PDZRN4: variants seen among roughly 807,000 people sequenced by gnomAD.
PDZRN4 encodes PDZ domain-containing RING finger protein 4.
Under a neutral mutation model 99.0 loss-of-function variants are expected in PDZRN4, and 70 were observed. That is an observed-to-expected ratio of 0.71 (90% confidence interval 0.58 to 0.86). The LOEUF (loss-of-function observed/expected upper bound fraction) is 0.86. Ranked by LOEUF, PDZRN4 falls within the 40% of genes least tolerant of loss-of-function variation. The pLI, the probability that PDZRN4 is intolerant of heterozygous loss-of-function variation, is 0.00. For missense variants in PDZRN4, 1,474 were observed against 1,331.2 expected, an observed-to-expected ratio of 1.11 and a Z score of -1.67; for synonymous variants, 551 against 501.6, an observed-to-expected ratio of 1.10 and a Z score of -1.32.
chr12:41,235,349 A>T (rs1166688789), intron 3 of PDZRN4, among the ~76,000 whole-genome samples: 2 of 152,192 alleles, frequency 1.3e-5, no homozygotes, highest in Non-Finnish European at 2.9e-5. Context: ...AATGAAACAA[A>T]ACTAAAAACA....
In PDZRN4 at chr12:41,511,825, C is replaced by A. The variant is rs552109500; in HGVS notation, c.1203+1912C>A. ...CCATCATTGGAGCCTGTGGTGGACA[C>A]CATTAGGCTCATTCAGTGAAGAGAT... is the stretch of plus-strand genomic sequence containing the variant. On this transcript the variant is annotated intron_variant, in intron 5 of 9. Transcript: ENST00000402685. 2.0e-5 allele frequency among the ~76,000 whole-genome samples: 3 copies of A among 152,232 alleles called. No homozygotes were observed. The East Asian group carries it at 5.8e-4, about 30-fold the overall frequency.
chr12:41,504,960 C>T (rs1237429782), intron 3 of PDZRN4, among the ~76,000 whole-genome samples: 2 of 152,136 alleles, frequency 1.3e-5, no homozygotes, highest in Non-Finnish European at 1.5e-5. Flanking sequence ...TTTGAAGGCA[C>T]ATTAACTCTT....
intron 5 of PDZRN4, among the ~76,000 whole-genome samples, chr12:41,549,077 T>G (rs1458153): frequency 0.17 from 25,331 of 152,170 alleles, 2,323 homozygotes; most frequent in Non-Finnish European, 0.21. Context: ...ATTCTTTCAC[T>G]CTAGTGACAA....
At chr12:41,380,630 C>T (rs1247671931) in intron 3 of PDZRN4, among the ~76,000 whole-genome samples, 1 of 151,990 alleles carries the variant, frequency 6.6e-6, no homozygotes, top group Admixed American at 6.5e-5. Context: ...TTATTTCCCC[C>T]TTTTCATTTT....
chr12:41,288,032 C>T (rs552187963), intron 3 of PDZRN4, among the ~76,000 whole-genome samples: 1 of 152,160 alleles, frequency 6.6e-6, no homozygotes, highest in Admixed American at 6.5e-5. Context: ...ATACTTGCTC[C>T]GCCTGCTGCA....
intron 3 of PDZRN4, among the ~76,000 whole-genome samples, chr12:41,210,602 T>G (rs1950882083): frequency 6.6e-6 from 1 of 152,000 alleles, no homozygotes; most frequent in South Asian, 2.1e-4. Context: ...TACTTTAAAT[T>G]ATTTTACTTG....
chr12:41,273,499 A>G (rs1419940313), intron 3 of PDZRN4, among the ~76,000 whole-genome samples: 1 of 152,142 alleles, frequency 6.6e-6, no homozygotes, highest in East Asian at 1.9e-4. Flanking sequence ...AACTACAAGT[A>G]GCCTTAACTG....
chr12:41,296,200 A>G (rs1417092550), intron 3 of PDZRN4, among the ~76,000 whole-genome samples: 1 of 152,200 alleles, frequency 6.6e-6, no homozygotes, highest in Non-Finnish European at 1.5e-5. Context: ...AATTTTAAAC[A>G]AGTGGGATCA....
chr12:41,395,567 A>G (rs1050370287), intron 3 of PDZRN4, among the ~76,000 whole-genome samples: 1 of 152,028 alleles, frequency 6.6e-6, no homozygotes, highest in Non-Finnish European at 1.5e-5. Context: ...ATTTTGTGTT[A>G]TCTTTGCTTT....
intron 3 of PDZRN4, among the ~76,000 whole-genome samples, chr12:41,422,885 T>C (rs907959214): frequency 6.6e-6 from 1 of 152,200 alleles, no homozygotes. Context: ...AATGGAAATT[T>C]CTTTTGTCAA....
chr12:41,502,503 C>T (rs995739337), intron 3 of PDZRN4, among the ~76,000 whole-genome samples: 1 of 152,042 alleles, frequency 6.6e-6, no homozygotes, highest in Non-Finnish European at 1.5e-5. Context: ...AATCAAGTTA[C>T]CTTGCACCCT....
At chr12:41,571,754 A>C (rs1228243932) in intron 9 of PDZRN4, among the ~76,000 whole-genome samples, 1 of 152,170 alleles carries the variant, frequency 6.6e-6, no homozygotes, top group African/African-American at 2.4e-5. Context: ...TAATAACCTG[A>C]ATCTGCCACT....
chr12:41,300,082 A>G (rs1029097980), intron 3 of PDZRN4, among the ~76,000 whole-genome samples: 3 of 151,942 alleles, frequency 2.0e-5, no homozygotes, highest in African/African-American at 4.8e-5. Flanking sequence ...CATATTTTAT[A>G]TAATGTATAT....
At position 41,188,982 on chromosome 12, in the gene PDZRN4, C is replaced by T. The variant is rs776857939; in HGVS notation, c.527C>T (p.Ala176Val). ...AWRRREKALL[A>V]QLWALQGEVQ... ...AGGCGGCGCGAGAAGGCGCTGCTGG[C>T]GCAGCTCTGGGCGCTGCAGGGCGAG... Residue 176 changes from alanine to valine, a missense_variant, in exon 1 of 10, where the codon GCG becomes GTG. Ala to Val is a moderately conservative substitution (Grantham distance 64, BLOSUM62 0). Coordinates refer to ENST00000402685, the MANE Select transcript of PDZRN4 (RefSeq NM_001164595.2). The T allele has an allele frequency of 2.0e-6, 3 of 1,500,262 alleles. No individual in the cohort carries two copies. The highest frequency in any genetic ancestry group is 2.1e-5 in the Admixed American group (1 of 48,026). The allele number at this position is 1,500,262 out of a possible 1,614,324, so 92.9% of individuals were successfully genotyped here.
chr12:41,251,137 G>A (rs764698588), intron 3 of PDZRN4, among the ~76,000 whole-genome samples: 9 of 152,048 alleles, frequency 5.9e-5, no homozygotes, highest in Non-Finnish European at 1.0e-4. Flanking sequence ...CAGCTGATCT[G>A]GGTACAATAG....
chr12:41,486,718 G>C (rs761544800), intron 3 of PDZRN4, among the ~76,000 whole-genome samples: 1 of 152,024 alleles, frequency 6.6e-6, no homozygotes, highest in Non-Finnish European at 1.5e-5. Flanking sequence ...GAGCTTTCTC[G>C]GAAAGTTGTG....
At position 41,572,918 on chromosome 12, in the gene PDZRN4, C is replaced by T; in HGVS notation, c.2139C>T (p.Ser713=). The change falls in exon 10 of 10, where the codon AGC becomes AGT. Residue 713 remains serine (S), a synonymous_variant. Transcript: ENST00000402685. ...HDGGFRNYNT[S]IDMQRGKLDD... ...GAGGATTCCGGAATTATAACACCAG[C>T]ATAGATATGCAAAGGGGAAAGCTAG... 1 of 1,614,102 alleles carries T rather than the reference C, an allele frequency of 6.2e-7. No homozygotes were observed. The highest frequency in any genetic ancestry group is 1.1e-5 in the South Asian group (1 of 91,082).
intron 5 of PDZRN4, among the ~76,000 whole-genome samples, chr12:41,520,617 C>T (rs983194511): frequency 1.7e-4 from 21 of 120,094 alleles, no homozygotes; most frequent in African/African-American, 8.4e-4. Flanking sequence ...TGCCTAAATA[C>T]AGACACACAC....
chr12:41,517,821 C>T (rs1938428142), intron 5 of PDZRN4, among the ~76,000 whole-genome samples: 1 of 152,028 alleles, frequency 6.6e-6, no homozygotes, highest in African/African-American at 2.4e-5. Context: ...AAAGCCCACA[C>T]ACTCACATGG....
Sources: allele counts gnomAD v4.1 joint callset (sites outside exome capture counted in the v4.1 genomes callset), GRCh38; gene constraint gnomAD v4.1.1; transcripts MANE v1.5; gene names NCBI Gene and HGNC (gene_info 2026-07-23, HGNC 2026-07-21).